The following MAGEA11 variants were observed in gnomAD, a reference collection of about 807,000 sequenced individuals.
MAGEA11 encodes the protein melanoma-associated antigen 11.
In MAGEA11, 1 loss-of-function variant was observed where a neutral mutation model predicts 8.4. The observed-to-expected ratio is 0.12, with a 90% CI of 0.04 to 0.57. The LOEUF (loss-of-function observed/expected upper bound fraction) is 0.57, where lower values mean the gene tolerates loss of function less well. Among genes scored for constraint, MAGEA11 ranks in the 20% least tolerant of loss-of-function variants. MAGEA11 has a pLI of 0.91. For missense variants in MAGEA11, 209 were observed against 317.3 expected, an observed-to-expected ratio of 0.66 and a Z score of 2.59; for synonymous variants, 127 against 119.3, an observed-to-expected ratio of 1.06 and a Z score of -0.42.
chrX:149,694,465 C>G (rs1390436769), intron 1 of MAGEA11, among the ~76,000 whole-genome samples: 3 of 111,808 alleles, frequency 2.7e-5, no homozygotes, highest in Admixed American at 9.5e-5. Context: ...ATATTAGATC[C>G]TTATCCCTAT....
upstream of MAGEA11, chrX:149,711,687 G>A (rs1260734472): frequency 1.3e-5 from 3 of 232,151 alleles, no homozygotes; most frequent in African/African-American, 9.1e-5. Flanking sequence ...ATCCAGCTCG[G>A]TCCCTCCTGT....
At position 149,698,285 on chromosome X, in the gene MAGEA11, C is replaced by CT. The variant is rs782452075; in HGVS notation, c.9+9311dup. Among the ~76,000 whole-genome samples the CT allele has an allele frequency of 3.7e-3, 391 of 105,233 alleles. 1 individual carries two copies. The highest frequency in any genetic ancestry group is 4.9e-3 in the Middle Eastern group (1 of 206). 91.4% of individuals were successfully genotyped at this position (105,233 alleles called of 115,157 possible). ...GTATGATGTTAACTGTAGAGGTTTT[C>CT]TTTTTTTTTTCATGTCCTATATCAA... is the stretch of plus-strand genomic sequence containing the variant. On this transcript the variant is annotated intron_variant, in intron 1 of 3. Transcript: ENST00000333104.
upstream of MAGEA11, chrX:149,711,944 C>T: frequency 2.5e-6 from 1 of 407,983 alleles, no homozygotes; most frequent in Non-Finnish European, 3.1e-6. Flanking sequence ...CGCCCCGCCC[C>T]GCCTCGCCTC....
At chrX:149,702,150 T>C (rs1199320497) in intron 1 of MAGEA11, among the ~76,000 whole-genome samples, 1 of 111,959 alleles carries the variant, frequency 8.9e-6, no homozygotes, top group African/African-American at 3.2e-5. Context: ...AATATTCCGC[T>C]GTTTTGGGTG....
chrX:149,697,890 A>T (rs113874629), intron 1 of MAGEA11, among the ~76,000 whole-genome samples: 2 of 111,786 alleles, frequency 1.8e-5, no homozygotes, highest in Admixed American at 1.9e-4. Context: ...TGATTGTTTT[A>T]TAAGGGGCTC....
rs782565753 is a variant in MAGEA11 at position 149,716,110 on chromosome X, G to A, written c.624G>A (p.Ser208=). The part of the protein sequence containing the change: ...GSQEKEGPST[S]PDLIDPESFS... Reference sequence around the variant, plus strand: ...AAGAAAAGGAGGGGCCAAGTACCTCGCCTGACCTGATAGACCCTGAGTCCT... The same window carrying A: ...AAGAAAAGGAGGGGCCAAGTACCTCACCTGACCTGATAGACCCTGAGTCCT... Residue 208 remains serine, a synonymous_variant, in exon 5 of 5, where the codon TCG becomes TCA. Transcript: ENST00000355220. The A allele has an allele frequency of 7.4e-6, 9 of 1,210,311 alleles. No individual in the cohort carries two copies. Among genetic ancestry groups the A allele is most frequent in the South Asian group, 7.0e-5 (4 of 56,817 alleles).
chrX:149,704,970 C>T (rs960474262), intron 1 of MAGEA11, among the ~76,000 whole-genome samples: 13 of 112,775 alleles, frequency 1.2e-4, no homozygotes, highest in African/African-American at 4.2e-4. Flanking sequence ...CACTGACCCT[C>T]AGTCTGAGTG....
intron 1 of MAGEA11, among the ~76,000 whole-genome samples, chrX:149,703,786 A>G (rs922816048): frequency 8.9e-6 from 1 of 112,206 alleles, no homozygotes; most frequent in Non-Finnish European, 1.9e-5. Flanking sequence ...AAGGTACATC[A>G]TGGGCACACA....
intron 1 of MAGEA11, among the ~76,000 whole-genome samples, chrX:149,695,082 G>A (rs1423892658): frequency 1.8e-5 from 2 of 111,608 alleles, no homozygotes; most frequent in African/African-American, 6.5e-5. Flanking sequence ...TCTTTATCTC[G>A]CCTCTGATGC....
chrX:149,688,995 G>A (rs1557359916), intron 1 of MAGEA11: 1 of 1,027,185 alleles, frequency 9.7e-7, no homozygotes, highest in Admixed American at 2.5e-5. Context: ...GTAAGGGAAT[G>A]TGCATCTGCA....
intron 1 of MAGEA11, among the ~76,000 whole-genome samples, chrX:149,694,307 A>C (rs1557360377): frequency 8.9e-6 from 1 of 112,209 alleles, no homozygotes; most frequent in Non-Finnish European, 1.9e-5. Flanking sequence ...TGTTTCCCTG[A>C]TGACTAACGA....
chrX:149,699,234 C>G (rs1169202368), intron 1 of MAGEA11, among the ~76,000 whole-genome samples: 5 of 111,609 alleles, frequency 4.5e-5, no homozygotes, highest in African/African-American at 1.6e-4. Context: ...TTGCACATAC[C>G]CAATTTCTCC....
chrX:149,707,942 G>C (rs56731503), upstream of MAGEA11, among the ~76,000 whole-genome samples: 574 of 112,501 alleles, frequency 5.1e-3, 6 homozygotes, highest in African/African-American at 0.018. Flanking sequence ...ATTTTAGAAA[G>C]GGTATTCACT....
chrX:149,692,982 C>T (rs2090316548), intron 1 of MAGEA11, among the ~76,000 whole-genome samples: 1 of 111,912 alleles, frequency 8.9e-6, no homozygotes, highest in African/African-American at 3.3e-5. Context: ...TCATGTGGAA[C>T]TGTAAGTCCA....
chrX:149,715,745 C>T lies in MAGEA11; in HGVS notation c.267-8C>T. On this transcript the variant is annotated splice_polypyrimidine_tract_variant and splice_region_variant and intron_variant, in intron 4 of 4. Coordinates refer to ENST00000355220, the MANE Select transcript of MAGEA11 (RefSeq NM_005366.5). ...CTGAGTCTGTTCTCACGCTCCCTCT[C>T]TCCCCAGGCTGTGGGGCCCCATCAC... 3 of 1,201,474 alleles carry T rather than the reference C, an allele frequency of 2.5e-6. No individual in the cohort carries two copies. The highest frequency in any genetic ancestry group is 3.4e-6 in the Non-Finnish European group (3 of 890,425).
upstream of MAGEA11, among the ~76,000 whole-genome samples, chrX:149,708,876 A>G (rs1557361684): frequency 1.8e-5 from 2 of 110,978 alleles, no homozygotes; most frequent in Non-Finnish European, 3.8e-5. Context: ...AATATCAAGT[A>G]TATTGGGTAT....
rs142876308 is a variant in MAGEA11, at chrX:149,702,490, C to G, written c.10-11991C>G. Among the ~76,000 whole-genome samples, 439 of 110,894 alleles carry G rather than the reference C, an allele frequency of 4.0e-3. 3 individuals are homozygous for G. Among genetic ancestry groups the G allele is most frequent in the Middle Eastern group, 9.3e-3 (2 of 214 alleles). On this transcript the variant is annotated intron_variant, in intron 1 of 3. Coordinates refer to the MAGEA11 transcript ENST00000333104. ...TGGTATTAGCATAGCCATTCCAGCT[C>G]TCTTTTGGTTACTGCTTGTATGATA... is the stretch of plus-strand genomic sequence containing the variant.
Position 149,716,519 on chromosome X carries a change from G to C in MAGEA11, c.1033G>C (p.Ala345Pro). ...AGTCCTGAGCATTATGGGGGTGTAT[G>C]CTGGAAGGGAGCACTTCCTCTTTGG... is the stretch of plus-strand genomic sequence containing the variant. ...WEVLSIMGVY[A>P]GREHFLFGEP... The change falls in exon 5 of 5, where the codon GCT becomes CCT. Residue 345 changes from alanine to proline, a missense_variant. Ala to Pro is a conservative substitution (Grantham distance 27). Coordinates refer to ENST00000355220, the MANE Select transcript of MAGEA11 (RefSeq NM_005366.5). 8.3e-7 allele frequency: 1 copy of C among 1,211,894 alleles called. No homozygotes were observed. The highest frequency in any genetic ancestry group is 1.1e-6 in the Non-Finnish European group (1 of 895,481).
At chrX:149,707,971 T>G (rs917175239), upstream of MAGEA11, among the ~76,000 whole-genome samples, 13 of 112,427 alleles carry the variant, frequency 1.2e-4, no homozygotes, top group Non-Finnish European at 2.1e-4. Flanking sequence ...AGGTTATTTG[T>G]TTTTGTTTGT....
Sources: allele counts gnomAD v4.1 joint callset (sites outside exome capture counted in the v4.1 genomes callset), GRCh38; gene constraint gnomAD v4.1.1; transcripts MANE v1.5; gene names NCBI Gene and HGNC (gene_info 2026-07-23, HGNC 2026-07-21).